The following ATF2 variants were observed in gnomAD, a reference collection of about 807,000 sequenced individuals.
ATF2 encodes activating transcription factor 2.
In ATF2, 24 loss-of-function variants were observed where a neutral mutation model predicts 60.6. The ratio of observed to expected loss-of-function variants is 0.40; its 90% CI spans 0.29 to 0.56. The LOEUF (loss-of-function observed/expected upper bound fraction) is 0.56. ATF2 is among the 20% of genes least tolerant of loss of function. The pLI, the probability that ATF2 is intolerant of heterozygous loss-of-function variation, is 0.54. For missense variants in ATF2, 433 were observed against 607.7 expected, an observed-to-expected ratio of 0.71 and a Z score of 3.02; for synonymous variants, 206 against 215.4, an observed-to-expected ratio of 0.96 and a Z score of 0.38.
At chr2:175,157,107 C>T (rs1699736649) in intron 1 of ATF2, among the ~76,000 whole-genome samples, 1 of 152,172 alleles carries the variant, frequency 6.6e-6, no homozygotes, top group Admixed American at 6.5e-5. Context: ...ATTCAGTTTT[C>T]TAAAGATGCA....
chr2:175,092,522 C>T (rs577092958), intron 12 of ATF2: 44 of 392,942 alleles, frequency 1.1e-4, no homozygotes, highest in Non-Finnish European at 2.0e-4. Flanking sequence ...ATGATCTGTA[C>T]TGCCACTGGC....
rs748264047 is a variant in ATF2, at chr2:175,136,459, T to G, written c.-16A>C. ...TGAATTTCATAAGTTGAATAACTTA[T>G]CACATTCTTTTTCTCATGGCAAGAA... On this transcript the variant is annotated 5_prime_UTR_variant, in exon 3 of 14. It removes the in-frame stop codon of an upstream open reading frame in the 5' UTR. Coordinates refer to ENST00000264110, the MANE Select transcript of ATF2 (RefSeq NM_001880.4). 1.9e-6 allele frequency: 3 copies of G among 1,607,710 alleles called. No individual in the cohort carries two copies. Among genetic ancestry groups the G allele is most frequent in the Non-Finnish European group, 2.6e-6 (3 of 1,176,126 alleles).
Position 175,125,698 on chromosome 2 carries a change from A to G in ATF2, c.103-4158T>C, listed in dbSNP as rs574853322. ...AAAATTAAAAGTTTATAATAGTGGA[A>G]TCAGACATGCTCAAGCAATAGTGAC... On this transcript the variant is annotated intron_variant, in intron 4 of 13. Transcript: ENST00000264110. Among the ~76,000 whole-genome samples, 4 of 152,292 alleles carry G rather than the reference A, an allele frequency of 2.6e-5. No individual in the cohort carries two copies. The South Asian group carries it at 8.3e-4, about 32-fold the overall frequency.
intron 12 of ATF2, among the ~76,000 whole-genome samples, chr2:175,084,520 G>C: frequency 6.8e-6 from 1 of 147,310 alleles, no homozygotes; most frequent in Non-Finnish European, 1.5e-5. Context: ...GGGAGGGATA[G>C]CATTAGGAGA....
intron 10 of ATF2, among the ~76,000 whole-genome samples, chr2:175,108,804 A>AGAC (rs988767326): frequency 4.6e-5 from 7 of 152,154 alleles, no homozygotes; most frequent in Non-Finnish European, 8.8e-5. Flanking sequence ...TAGACATGGG[A>AGAC]GACTTCACTT....
intron 9 of ATF2, 46 bp downstream of exon 9, chr2:175,113,948 A>C: frequency 6.7e-7 from 1 of 1,494,674 alleles, no homozygotes. Flanking sequence ...TTCTGACTAC[A>C]AAGATCAGTT....
intron 9 of ATF2, among the ~76,000 whole-genome samples, chr2:175,113,245 T>A (rs1417325391): frequency 6.6e-6 from 1 of 152,120 alleles, no homozygotes; most frequent in Non-Finnish European, 1.5e-5. Context: ...AACAATGTGT[T>A]TTTAAATGTT....
intron 12 of ATF2, among the ~76,000 whole-genome samples, chr2:175,088,156 A>G (rs1266304795): frequency 6.6e-6 from 1 of 152,166 alleles, no homozygotes; most frequent in Non-Finnish European, 1.5e-5. Flanking sequence ...TCTTAGTAAA[A>G]GCTTCAAATG....
At chr2:175,096,143 T>C (rs1694919388) in intron 11 of ATF2, among the ~76,000 whole-genome samples, 1 of 152,234 alleles carries the variant, frequency 6.6e-6, no homozygotes, top group South Asian at 2.1e-4. Context: ...TGCTTTTTAA[T>C]GCCAATGCTA....
Position 175,074,495 on chromosome 2 carries a change from T to TAA in ATF2, c.*112_*113dup. 4.4e-5 allele frequency: 45 copies of TAA among 1,019,746 alleles called. No homozygotes were observed. Among genetic ancestry groups the TAA allele is most frequent in the Admixed American group, 6.9e-5 (2 of 28,928 alleles). 63.2% of individuals were successfully genotyped at this position (1,019,746 alleles called of 1,614,324 possible). ...CTTTAGAGCCAAATTTAATTTCAAGTAAAAAAAAAAAATTTACAACCACAG... is the reference window on the plus strand; with the variant it reads ...CTTTAGAGCCAAATTTAATTTCAAGTAAAAAAAAAAAAAATTTACAACCACAG... On this transcript the variant is annotated 3_prime_UTR_variant, in exon 14 of 14. Coordinates refer to ENST00000264110, the MANE Select transcript of ATF2 (RefSeq NM_001880.4).
intron 2 of ATF2, among the ~76,000 whole-genome samples, chr2:175,142,141 T>C (rs1184524711): frequency 6.6e-6 from 1 of 151,890 alleles, no homozygotes; most frequent in Admixed American, 6.6e-5. Context: ...CTGCAGAACT[T>C]AGATCAGTAC....
At chr2:175,136,045 TCA>T (rs755990587) in intron 3 of ATF2, among the ~76,000 whole-genome samples, 1 of 150,494 alleles carries the variant, frequency 6.6e-6, no homozygotes, top group Admixed American at 6.6e-5. Flanking sequence ...GCAGGACTCT[TCA>T]CAGTCTTTAA....
At chr2:175,129,227 G>C (rs1165027686) in intron 4 of ATF2, among the ~76,000 whole-genome samples, 1 of 152,136 alleles carries the variant, frequency 6.6e-6, no homozygotes, top group African/African-American at 2.4e-5. Flanking sequence ...CATACTATAT[G>C]ATTCCATTTA....
chr2:175,074,876 G>T, intron 13 of ATF2, 41 bp from the exon 14 acceptor site: 1 of 1,606,514 alleles, frequency 6.2e-7, no homozygotes, highest in Non-Finnish European at 8.5e-7. Flanking sequence ...TCCTAAAATC[G>T]GTAAGAATGC....
intron 10 of ATF2, among the ~76,000 whole-genome samples, chr2:175,103,677 TA>T (rs75197426): frequency 0.13 from 16,452 of 129,762 alleles, 1,011 homozygotes; most frequent in African/African-American, 0.21. Context: ...TCACACATCT[TA>T]AAAAAAAAAA....
chr2:175,155,995 A>G (rs922745103), intron 1 of ATF2, among the ~76,000 whole-genome samples: 1 of 152,178 alleles, frequency 6.6e-6, no homozygotes, highest in African/African-American at 2.4e-5. Flanking sequence ...ATGGCCTTCC[A>G]AAGATGTCCA....
chr2:175,114,974 GC>G, intron 7 of ATF2, 106 bp from the exon 8 acceptor site: 1 of 1,024,208 alleles, frequency 9.8e-7, no homozygotes, highest in Non-Finnish European at 1.3e-6. Context: ...AATAATAACT[GC>G]TAAAAGCAAA....
At chr2:175,086,689 G>A (rs1233096250) in intron 12 of ATF2, among the ~76,000 whole-genome samples, 1 of 152,084 alleles carries the variant, frequency 6.6e-6, no homozygotes, top group Non-Finnish European at 1.5e-5. Flanking sequence ...AATTACAGGA[G>A]TGAGCCACTG....
chr2:175,134,865 A>G (rs1018666034), intron 3 of ATF2, among the ~76,000 whole-genome samples: 4 of 151,688 alleles, frequency 2.6e-5, no homozygotes, highest in Non-Finnish European at 5.9e-5. Context: ...TGGTAGCGTC[A>G]TGGTGGTGTA....
Sources: allele counts gnomAD v4.1 joint callset (sites outside exome capture counted in the v4.1 genomes callset), GRCh38; gene constraint gnomAD v4.1.1; transcripts MANE v1.5; gene names NCBI Gene and HGNC (gene_info 2026-07-23, HGNC 2026-07-21).